Variants in PIK3R5 observed in about 807,000 individuals in gnomAD.
PIK3R5 encodes the protein phosphoinositide-3-kinase regulatory subunit 5, also known as phosphoinositide 3-kinase regulatory subunit 5.
Under a neutral mutation model 94.9 loss-of-function variants are expected in PIK3R5, and 32 were observed. The ratio of observed to expected loss-of-function variants is 0.34; its 90% confidence interval spans 0.25 to 0.45. The LOEUF is 0.45. PIK3R5 is among the 20% of genes least tolerant of loss of function. The probability of loss-of-function intolerance (pLI) is 1.00; values close to 1 mark genes in which losing one functional copy is unlikely to be tolerated. For missense variants in PIK3R5, 853 were observed against 1,144.6 expected (o/e 0.75, Z 3.68); for synonymous variants, 443 against 479.4 (o/e 0.92, Z 0.99).
chr17:8,916,057 C>T (rs1457157787), intron 1 of PIK3R5: 1 of 152,388 alleles, frequency 6.6e-6, no homozygotes, highest in Non-Finnish European at 1.5e-5. Flanking sequence ...GTGCCAGCCT[C>T]CCCGGCATTC....
chr17:8,891,804 A>G (rs1254370933), intron 6 of PIK3R5, among the ~76,000 whole-genome samples: 1 of 151,582 alleles, frequency 6.6e-6, no homozygotes, highest in Non-Finnish European at 1.5e-5. Flanking sequence ...CAGGGTTTCA[A>G]TGTGTTAGCC....
chr17:8,959,901 G>C (rs1023811674), intron 1 of PIK3R5, among the ~76,000 whole-genome samples: 1 of 152,188 alleles, frequency 6.6e-6, no homozygotes, highest in Non-Finnish European at 1.5e-5. Flanking sequence ...GTTTTCTGTG[G>C]TTGGGGACTC....
At chr17:8,926,088 G>A (rs2090878330) in intron 1 of PIK3R5, among the ~76,000 whole-genome samples, 1 of 152,188 alleles carries the variant, frequency 6.6e-6, no homozygotes, top group Non-Finnish European at 1.5e-5. Flanking sequence ...TCATGAGCAG[G>A]AGGAGAACAC....
rs1187919467 is a variant in PIK3R5, at chr17:8,882,232, C to A, written c.2206-351G>T. 2 of 277,272 alleles carry A rather than the reference C, an allele frequency of 7.2e-6. No homozygotes were observed. Among genetic ancestry groups the A allele is most frequent in the Non-Finnish European group, 1.4e-5 (2 of 142,806 alleles). The allele number at this position is 277,272 out of a possible 1,614,324, so 17.2% of individuals were successfully genotyped here. On this transcript the variant is annotated intron_variant, in intron 15 of 18. Transcript: ENST00000447110. This position sits in a 1 kb window ranked among gnomAD's most constrained non-coding sequence, Gnocchi z 4.1. ...TCTGGCAGAGCCAGACCTGAACCCC[C>A]TCTTCAAGTCTTTGTGTGAATGTCT...
Position 8,889,071 on chromosome 17 carries a change from G to T in PIK3R5, c.895+68C>A. 6.5e-7 allele frequency: 1 copy of T among 1,541,734 alleles called. No individual in the cohort carries two copies. Among genetic ancestry groups the T allele is most frequent in the South Asian group, 1.2e-5 (1 of 83,682 alleles). On this transcript the variant is annotated intron_variant, in intron 9 of 18. Transcript: ENST00000447110. This position sits in a 1 kb window ranked among gnomAD's most constrained non-coding sequence, Gnocchi z 4.1. ...TTGGGGACGGGGTGGGAGCTGCATG[G>T]ACCCAGGACCAGAAACACAGCTCAG...
intron 3 of PIK3R5, 58 bp from the exon 4 acceptor site, chr17:8,905,795 G>T: frequency 1.7e-6 from 2 of 1,180,592 alleles, no homozygotes; most frequent in Non-Finnish European, 2.4e-6. Flanking sequence ...GGCTCCCTGA[G>T]GCAGAATACA....
chr17:8,950,821 G>A (rs1386554904), intron 1 of PIK3R5, among the ~76,000 whole-genome samples: 2 of 152,140 alleles, frequency 1.3e-5, no homozygotes, highest in Non-Finnish European at 2.9e-5. Flanking sequence ...ACCCAGTAAT[G>A]AGATCACTGG....
chr17:8,891,010 AC>A, intron 6 of PIK3R5, 98 bp from the exon 7 acceptor site: 1 of 1,199,928 alleles, frequency 8.3e-7, no homozygotes, highest in Non-Finnish European at 1.2e-6. Context: ...CTCCACTGAG[AC>A]CAGGGCCTCC....
In PIK3R5 at chr17:8,886,603, C is replaced by T. The variant is rs377267794; in HGVS notation, c.1908G>A (p.Gln636=). 8.5e-5 allele frequency: 135 copies of T among 1,582,396 alleles called. No homozygotes were observed. Among genetic ancestry groups the T allele is most frequent in the Non-Finnish European group, 1.1e-4 (125 of 1,167,716 alleles). ...MHLPPEVLCQ[Q]SLKAEAQALE... The stretch of plus-strand genomic sequence containing the variant: ...GGGCCTGGGCTTCAGCCTTCAGGGA[C>T]TGCTGTGGCCAGAGGGAAGGGGCAG... The change falls in exon 13 of 19, where the codon CAG becomes CAA. Residue 636 remains glutamine, a splice_region_variant and synonymous_variant. Transcript: ENST00000447110.
At position 8,889,923 on chromosome 17, in the gene PIK3R5, G is replaced by T; in HGVS notation, c.811+50C>A. On this transcript the variant is annotated intron_variant, in intron 8 of 18. Transcript: ENST00000447110. The surrounding 1 kb of genome is among the most constrained non-coding windows in gnomAD (Gnocchi z 4.1). Reference sequence around the variant, plus strand: ...CCTGGACCGTGCACCTTGGGACCTAGAATAGGCCATGGGGAATGTGGGAGA... The same window carrying T: ...CCTGGACCGTGCACCTTGGGACCTATAATAGGCCATGGGGAATGTGGGAGA... 1 of 1,603,666 alleles carries T rather than the reference G, an allele frequency of 6.2e-7. No individual in the cohort carries two copies. Among genetic ancestry groups the T allele is most frequent in the Non-Finnish European group, 8.5e-7 (1 of 1,172,352 alleles).
chr17:8,945,853 C>T lies in PIK3R5; in HGVS notation c.-14+19743G>A, dbSNP rs1268239579. 1.3e-5 allele frequency among the ~76,000 whole-genome samples: 2 copies of T among 152,204 alleles called. No homozygotes were observed. The highest frequency in any genetic ancestry group is 2.4e-5 in the African/African-American group (1 of 41,440). On this transcript the variant is annotated intron_variant, in intron 1 of 18. Transcript: ENST00000447110. The surrounding 1 kb of genome is among the most constrained non-coding windows in gnomAD (Gnocchi z 4.0). Reference sequence around the variant, plus strand: ...CAAGGCTAGGTCACTAAAGACCATGCAGCTACTGTCTTGTTTGCCAGAAGG... The same window carrying T: ...CAAGGCTAGGTCACTAAAGACCATGTAGCTACTGTCTTGTTTGCCAGAAGG...
At chr17:8,895,492 C>G (rs2090133699) in intron 5 of PIK3R5, among the ~76,000 whole-genome samples, 1 of 152,282 alleles carries the variant, frequency 6.6e-6, no homozygotes, top group African/African-American at 2.4e-5. Flanking sequence ...CCTGACCCTG[C>G]TCTCCTGAAG....
At chr17:8,883,903 G>A (rs1049216953) in intron 15 of PIK3R5, among the ~76,000 whole-genome samples, 2 of 152,184 alleles carry the variant, frequency 1.3e-5, no homozygotes, top group Admixed American at 6.5e-5. Context: ...CTGGCATGTG[G>A]CTACAGTGAG....
chr17:8,939,632 T>G (rs1287733235), intron 1 of PIK3R5, among the ~76,000 whole-genome samples: 1 of 152,138 alleles, frequency 6.6e-6, no homozygotes, highest in African/African-American at 2.4e-5. Context: ...AAGTCACAGG[T>G]GCTACTGATA....
intron 1 of PIK3R5, among the ~76,000 whole-genome samples, chr17:8,965,243 G>A (rs1234950411): frequency 6.6e-6 from 1 of 152,238 alleles, no homozygotes; most frequent in Non-Finnish European, 1.5e-5. Flanking sequence ...ACAGTTCCCC[G>A]CTGGAGCGGG....
intron 1 of PIK3R5, among the ~76,000 whole-genome samples, chr17:8,941,646 G>A (rs769585432): frequency 2.0e-5 from 3 of 152,250 alleles, no homozygotes; most frequent in Non-Finnish European, 2.9e-5. Context: ...CTTCGAGAGC[G>A]GCCCACGCGG....
intron 1 of PIK3R5, among the ~76,000 whole-genome samples, chr17:8,918,057 T>C (rs575994926): frequency 6.6e-6 from 1 of 152,338 alleles, no homozygotes; most frequent in African/African-American, 2.4e-5. Flanking sequence ...TGGTTTTTAA[T>C]GTATATACAG....
chr17:8,926,099 G>A (rs1450207507), intron 1 of PIK3R5, among the ~76,000 whole-genome samples: 1 of 152,152 alleles, frequency 6.6e-6, no homozygotes, highest in Non-Finnish European at 1.5e-5. Context: ...AGGAGAACAC[G>A]ATGTGACAGG....
At chr17:8,942,504 C>T (rs2091200227) in intron 1 of PIK3R5, among the ~76,000 whole-genome samples, 1 of 152,166 alleles carries the variant, frequency 6.6e-6, no homozygotes. Flanking sequence ...GGGGCAGGTT[C>T]AAAAGACAGT....
Sources: allele counts gnomAD v4.1 joint callset (sites outside exome capture counted in the v4.1 genomes callset), GRCh38; gene constraint gnomAD v4.1.1; non-coding constraint Gnocchi (gnomAD v3.1); transcripts MANE v1.5; gene names NCBI Gene and HGNC (gene_info 2026-07-23, HGNC 2026-07-21).